Variants in ADAMTS18 observed in about 807,000 individuals in gnomAD.
The protein encoded by ADAMTS18 is ADAM metallopeptidase with thrombospondin type 1 motif 18.
ADAMTS18 carries 157 observed loss-of-function variants against 165.9 expected under a neutral mutation model. The ratio of observed to expected loss-of-function variants is 0.95; its 90% confidence interval spans 0.83 to 1.08. The LOEUF is 1.08. Among genes scored for constraint, ADAMTS18 ranks in the 50% least tolerant of loss-of-function variants. The pLI is 0.00. For synonymous variants in ADAMTS18, 782 were observed against 578.2 expected (o/e 1.35, Z -5.06); for missense variants, 2,040 against 1,534.0 (o/e 1.33, Z -5.51).
intron 3 of ADAMTS18, among the ~76,000 whole-genome samples, chr16:77,419,551 G>A (rs1486295433): frequency 1.3e-5 from 2 of 152,010 alleles, no homozygotes; most frequent in Non-Finnish European, 2.9e-5. Flanking sequence ...AAATTTAAAG[G>A]GATCACGTAA....
rs866647243 is a variant in ADAMTS18 at position 77,355,247 on chromosome 16, G to T, written c.1460+693C>A. The stretch of plus-strand genomic sequence containing the variant: ...GTGTGTGTGTGTATTTCAACTTTGG[G>T]TTAATTGTTTAATATGAATTAAATA... On this transcript the variant is annotated intron_variant, in intron 9 of 22. Transcript: ENST00000282849. Among the ~76,000 whole-genome samples the T allele has an allele frequency of 1.8e-4, 20 of 114,022 alleles. No homozygotes were observed. The Middle Eastern group carries it at 0.013, about 75-fold the overall frequency. The allele number at this position is 114,022 out of a possible 152,430, so 74.8% of individuals were successfully genotyped here.
chr16:77,294,558 G>A (rs1247943463), intron 19 of ADAMTS18, among the ~76,000 whole-genome samples: 4 of 152,142 alleles, frequency 2.6e-5, no homozygotes, highest in Admixed American at 6.5e-5. Flanking sequence ...TCCCATTGAA[G>A]CAAGAGTTAA....
intron 10 of ADAMTS18, among the ~76,000 whole-genome samples, chr16:77,352,938 A>T (rs1041604776): frequency 6.6e-6 from 1 of 152,004 alleles, no homozygotes; most frequent in African/African-American, 2.4e-5. Context: ...CTACTGAAAA[A>T]AACACAAAAA....
chr16:77,415,536 G>A (rs1372227198), intron 3 of ADAMTS18, among the ~76,000 whole-genome samples: 2 of 151,984 alleles, frequency 1.3e-5, no homozygotes, highest in Admixed American at 6.6e-5. Context: ...TATTGGCACC[G>A]ATCTTGTTGC....
intron 19 of ADAMTS18, among the ~76,000 whole-genome samples, 172 bp from the exon 20 acceptor site, chr16:77,293,430 A>T (rs79836995): frequency 6.6e-6 from 1 of 151,966 alleles, no homozygotes; most frequent in Non-Finnish European, 1.5e-5. Flanking sequence ...CCCACCATAC[A>T]TATCTGGCTA....
rs1490904446 is a variant in ADAMTS18 at position 77,329,291 on chromosome 16, A to G, written c.1860-3253T>C. 3.3e-5 allele frequency among the ~76,000 whole-genome samples: 5 copies of G among 152,172 alleles called. No individual in the cohort carries two copies. The East Asian group carries it at 9.7e-4, about 30-fold the overall frequency. ...TGGCAAATTTTTAAAATTTTTATAC[A>G]GATGAGGGGCTGTGTTGCCCAGGCT... is the stretch of plus-strand genomic sequence containing the variant. On this transcript the variant is annotated intron_variant, in intron 12 of 22. Coordinates refer to ENST00000282849, the MANE Select transcript of ADAMTS18 (RefSeq NM_199355.4).
At chr16:77,328,721 T>C (rs2056136858) in intron 12 of ADAMTS18, among the ~76,000 whole-genome samples, 1 of 152,228 alleles carries the variant, frequency 6.6e-6, no homozygotes, top group Non-Finnish European at 1.5e-5. Flanking sequence ...AGACTTTCTG[T>C]GATTTAACGA....
chr16:77,406,451 G>C (rs1040423269), intron 3 of ADAMTS18, among the ~76,000 whole-genome samples: 6 of 151,934 alleles, frequency 3.9e-5, no homozygotes, highest in African/African-American at 1.5e-4. Context: ...TTTATCACTT[G>C]TAATTATCAC....
At chr16:77,387,890 T>C (rs547826914) in intron 3 of ADAMTS18, among the ~76,000 whole-genome samples, 140 of 152,292 alleles carry the variant, frequency 9.2e-4, no homozygotes, top group African/African-American at 3.2e-3. Context: ...GACTCATCCA[T>C]GAAGCTGGAA....
chr16:77,365,848 T>G lies in ADAMTS18; in HGVS notation c.779-1467A>C, dbSNP rs61383262. ...TTAGAGTTAGATTTAAAAACTCAGG[T>G]TGGCCACTTATGAGCACAGTGACGT... On this transcript the variant is annotated intron_variant, in intron 4 of 22. Transcript: ENST00000282849. Among the ~76,000 whole-genome samples the G allele has an allele frequency of 8.8e-3, 1,344 of 152,334 alleles. 15 individuals carry two copies. The highest frequency in any genetic ancestry group is 0.03 in the African/African-American group (1,265 of 41,562).
intron 16 of ADAMTS18, among the ~76,000 whole-genome samples, chr16:77,309,300 T>C (rs189408192): frequency 1.3e-3 from 195 of 152,224 alleles, no homozygotes; most frequent in Non-Finnish European, 1.9e-3. Flanking sequence ...TATATGCATA[T>C]ATGTGTACGT....
At chr16:77,314,268 T>C (rs1214096230) in intron 16 of ADAMTS18, among the ~76,000 whole-genome samples, 1 of 152,142 alleles carries the variant, frequency 6.6e-6, no homozygotes, top group Non-Finnish European at 1.5e-5. Flanking sequence ...CAAAAATTCA[T>C]ATGTATAAGT....
chr16:77,337,210 A>T (rs1041185051), intron 11 of ADAMTS18, among the ~76,000 whole-genome samples: 1 of 152,216 alleles, frequency 6.6e-6, no homozygotes, highest in Non-Finnish European at 1.5e-5. Flanking sequence ...GGGGAAGGCT[A>T]TCGGTCATTT....
intron 18 of ADAMTS18, 63 bp downstream of exon 18, chr16:77,297,226 C>T: frequency 6.3e-7 from 1 of 1,597,764 alleles, no homozygotes. Flanking sequence ...TTCATCATCT[C>T]ATAACAACAA....
At chr16:77,398,385 G>C (rs929596068) in intron 3 of ADAMTS18, among the ~76,000 whole-genome samples, 1 of 151,858 alleles carries the variant, frequency 6.6e-6, no homozygotes, top group African/African-American at 2.4e-5. Flanking sequence ...AGAGAGAGAA[G>C]AGCAGGAACC....
intron 22 of ADAMTS18, among the ~76,000 whole-genome samples, chr16:77,285,202 T>C (rs1393384033): frequency 6.6e-6 from 1 of 152,152 alleles, no homozygotes; most frequent in Admixed American, 6.5e-5. Flanking sequence ...GATGGAATTT[T>C]GCTCTTGTTG....
At chr16:77,289,591 G>C in intron 21 of ADAMTS18, 180 bp from the exon 22 acceptor site, 1 of 711,800 alleles carries the variant, frequency 1.4e-6, no homozygotes, top group South Asian at 1.8e-5. Context: ...TGATCCCTTT[G>C]ATCTGATTAG....
At chr16:77,369,814 T>A (rs1178690816) in intron 3 of ADAMTS18, among the ~76,000 whole-genome samples, 1 of 152,174 alleles carries the variant, frequency 6.6e-6, no homozygotes, top group Non-Finnish European at 1.5e-5. Flanking sequence ...GTATACCTGA[T>A]GAACACAGAT....
intron 3 of ADAMTS18, among the ~76,000 whole-genome samples, chr16:77,376,077 A>G (rs574478449): frequency 6.0e-5 from 9 of 151,124 alleles, no homozygotes; most frequent in Non-Finnish European, 1.2e-4. Flanking sequence ...CTAATTTTGT[A>G]TTTTTAGTAA....
Sources: allele counts gnomAD v4.1 joint callset (sites outside exome capture counted in the v4.1 genomes callset), GRCh38; gene constraint gnomAD v4.1.1; transcripts MANE v1.5; gene names NCBI Gene and HGNC (gene_info 2026-07-23, HGNC 2026-07-21).